The following NUMB variants were observed in gnomAD, a reference collection of about 807,000 sequenced individuals.
The protein encoded by NUMB is protein numb homolog.
NUMB carries 29 observed loss-of-function variants against 59.7 expected under a neutral mutation model. The ratio of observed to expected loss-of-function variants is 0.49; its 90% confidence interval spans 0.36 to 0.66. The LOEUF (loss-of-function observed/expected upper bound fraction) is 0.66, where lower values mean the gene tolerates loss of function less well. NUMB is among the 30% of genes least tolerant of loss of function. The pLI, the probability that NUMB is intolerant of heterozygous loss-of-function variation, is 0.00. For synonymous variants in NUMB, 288 were observed against 288.2 expected, an observed-to-expected ratio of 1.00 and a Z score of 0.01; for missense variants, 723 against 822.0, an observed-to-expected ratio of 0.88 and a Z score of 1.47.
At chr14:73,377,717 A>G (rs1481975680) in intron 2 of NUMB, among the ~76,000 whole-genome samples, 8 of 152,210 alleles carry the variant, frequency 5.3e-5, no homozygotes, top group Admixed American at 5.2e-4. Context: ...CTGTAATCCC[A>G]GCACTTTGGG....
chr14:73,434,078 A>G (rs1897947007), intron 1 of NUMB, among the ~76,000 whole-genome samples: 1 of 152,192 alleles, frequency 6.6e-6, no homozygotes, highest in African/African-American at 2.4e-5. Context: ...TGGGTGACAT[A>G]GGGAGACTCT....
chr14:73,430,836 T>TCA (rs1897795335), intron 1 of NUMB, among the ~76,000 whole-genome samples: 1 of 150,792 alleles, frequency 6.6e-6, no homozygotes, highest in East Asian at 2.0e-4. Flanking sequence ...TCCCAGCTAC[T>TCA]GGGAAGGCTG....
chr14:73,361,097 C>T (rs1031283569), intron 3 of NUMB, among the ~76,000 whole-genome samples: 5 of 152,030 alleles, frequency 3.3e-5, no homozygotes, highest in African/African-American at 9.7e-5. Flanking sequence ...GCCATGTTAC[C>T]GAGGCTGGTT....
At chr14:73,412,351 G>C (rs1462056779) in intron 1 of NUMB, among the ~76,000 whole-genome samples, 1 of 152,068 alleles carries the variant, frequency 6.6e-6, no homozygotes. Context: ...GTCTTGGCTG[G>C]GCACGGTGGC....
At chr14:73,351,869 G>A (rs1188954315) in intron 4 of NUMB, among the ~76,000 whole-genome samples, 4 of 151,848 alleles carry the variant, frequency 2.6e-5, no homozygotes, top group East Asian at 3.9e-4. Flanking sequence ...CCAGCTACTC[G>A]GGAGGCTGAG....
intron 1 of NUMB, among the ~76,000 whole-genome samples, chr14:73,416,558 T>C (rs1221303321): frequency 6.6e-6 from 1 of 151,988 alleles, no homozygotes; most frequent in African/African-American, 2.4e-5. Context: ...TATGTATGTA[T>C]AGGCTGAGGG....
rs61739599 is a variant in NUMB at position 73,282,366 on chromosome 14, G to A, written c.1089C>T (p.Thr363=). Residue 363 remains threonine, a synonymous_variant, in exon 11 of 13, where the codon ACC becomes ACT. Coordinates refer to ENST00000555238, the MANE Select transcript of NUMB (RefSeq NM_001005743.2). ...PVTVVAPQSP[T]FQANGTDSAF... is the part of the protein sequence containing the mutation. ...AGGTCAGAGGGCACCAACCTTGGAAGGTAGGAGATTGTGGTGCCACCACTG... is the reference window on the plus strand; with the variant it reads ...AGGTCAGAGGGCACCAACCTTGGAAAGTAGGAGATTGTGGTGCCACCACTG... 5.4e-3 allele frequency: 8,788 copies of A among 1,614,086 alleles called. 421 individuals carry two copies. The African/African-American group carries it at 0.1, about 19-fold the overall frequency.
In NUMB at chr14:73,371,337, T is replaced by C. The variant is rs377433765; in HGVS notation, c.-100-4356A>G. 2.0e-4 allele frequency among the ~76,000 whole-genome samples: 31 copies of C among 151,852 alleles called. No homozygotes were observed. In the South Asian group the frequency reaches 5.8e-3, roughly 29 times the overall value. ...GGATCACAAGGTCAGGAGATCGAGA[T>C]CATCCTGGCCAACATGGTGAAACCC... On this transcript the variant is annotated intron_variant, in intron 2 of 12. Transcript: ENST00000555238.
chr14:73,381,076 A>G (rs1282301953), intron 2 of NUMB, among the ~76,000 whole-genome samples: 1 of 152,200 alleles, frequency 6.6e-6, no homozygotes, highest in Non-Finnish European at 1.5e-5. Context: ...GTATTTAACC[A>G]GCAAGAAAAT....
At chr14:73,282,884 G>A (rs1448984785) in intron 10 of NUMB, among the ~76,000 whole-genome samples, 1 of 152,174 alleles carries the variant, frequency 6.6e-6, no homozygotes, top group African/African-American at 2.4e-5. Flanking sequence ...GTGTTCTCAA[G>A]ACTGTGATCT....
chr14:73,453,455 C>G (rs1341721054), intron 1 of NUMB, among the ~76,000 whole-genome samples: 3 of 151,816 alleles, frequency 2.0e-5, no homozygotes. Context: ...TTAATAATCT[C>G]CAAAATATAT....
chr14:73,302,347 C>T (rs956089889), intron 6 of NUMB, among the ~76,000 whole-genome samples: 1 of 150,992 alleles, frequency 6.6e-6, no homozygotes, highest in South Asian at 2.1e-4. Context: ...ATGCCTATAG[C>T]TGAAATTAAG....
chr14:73,414,578 G>A (rs1453178710), intron 1 of NUMB, among the ~76,000 whole-genome samples: 1 of 151,994 alleles, frequency 6.6e-6, no homozygotes, highest in Non-Finnish European at 1.5e-5. Flanking sequence ...TAGAGATGGG[G>A]TTTCACCATG....
intron 12 of NUMB, among the ~76,000 whole-genome samples, chr14:73,279,067 C>A (rs979800482): frequency 6.6e-6 from 1 of 152,132 alleles, no homozygotes; most frequent in East Asian, 1.9e-4. Flanking sequence ...GGCTCTGTTC[C>A]ACAGTCCTGT....
At chr14:73,370,328 T>C (rs116633167) in intron 2 of NUMB, among the ~76,000 whole-genome samples, 2,659 of 152,302 alleles carry the variant, frequency 0.017, 81 homozygotes, top group African/African-American at 0.06. Flanking sequence ...TAAAAATATT[T>C]AAAGCAAATA....
chr14:73,355,778 G>T lies in NUMB; in HGVS notation c.-15-12C>A. ...TTAATTTTTACAGCCTGAAGACAGA[G>T]GAAAAAAAATATTTAAAAGAAATAT... On this transcript the variant is annotated splice_polypyrimidine_tract_variant and intron_variant, in intron 3 of 12. Coordinates refer to ENST00000555238, the MANE Select transcript of NUMB (RefSeq NM_001005743.2). The T allele has an allele frequency of 6.4e-7, 1 of 1,570,792 alleles. No individual in the cohort carries two copies. Among genetic ancestry groups the T allele is most frequent in the Non-Finnish European group, 8.6e-7 (1 of 1,157,042 alleles).
intron 1 of NUMB, among the ~76,000 whole-genome samples, chr14:73,427,684 G>A (rs1897648257): frequency 6.6e-6 from 1 of 152,094 alleles, no homozygotes; most frequent in Non-Finnish European, 1.5e-5. Flanking sequence ...AACTAAAGCT[G>A]CTGTTATGTC....
chr14:73,452,603 G>A (rs772774282), intron 1 of NUMB, among the ~76,000 whole-genome samples: 10 of 152,294 alleles, frequency 6.6e-5, no homozygotes, highest in Non-Finnish European at 7.4e-5. Context: ...GTCACTGAAC[G>A]TTAATTACTA....
At chr14:73,436,544 TC>T (rs1898059615) in intron 1 of NUMB, among the ~76,000 whole-genome samples, 1 of 152,116 alleles carries the variant, frequency 6.6e-6, no homozygotes, top group African/African-American at 2.4e-5. Context: ...CGTCTTGAAC[TC>T]CTAATCTCAT....
Sources: allele counts gnomAD v4.1 joint callset (sites outside exome capture counted in the v4.1 genomes callset), GRCh38; gene constraint gnomAD v4.1.1; transcripts MANE v1.5; gene names NCBI Gene and HGNC (gene_info 2026-07-23, HGNC 2026-07-21).